The following VTI1A variants were observed in gnomAD, a reference collection of about 807,000 sequenced individuals.
The protein encoded by VTI1A is vesicle transport through interaction with t-SNAREs 1A.
VTI1A carries 22 observed loss-of-function variants against 34.9 expected under a neutral mutation model. That is an observed-to-expected ratio of 0.63 (90% CI 0.45 to 0.90). The LOEUF (loss-of-function observed/expected upper bound fraction) is 0.90, where lower values mean the gene tolerates loss of function less well. Among genes scored for constraint, VTI1A ranks in the 40% least tolerant of loss-of-function variants. The pLI is 0.00. For missense variants in VTI1A, 268 were observed against 275.6 expected (o/e 0.97, Z 0.20); for synonymous variants, 87 against 97.3 (o/e 0.89, Z 0.62).
intron 3 of VTI1A, among the ~76,000 whole-genome samples, chr10:112,518,609 ATATG>A (rs1472043634): frequency 1.0e-3 from 141 of 140,878 alleles, no homozygotes; most frequent in Non-Finnish European, 1.8e-3. Flanking sequence ...ATATATATAT[ATATG>A]TGTGTGTGTG....
chr10:112,552,116 C>A (rs1201919967), intron 5 of VTI1A, among the ~76,000 whole-genome samples: 6 of 152,090 alleles, frequency 3.9e-5, no homozygotes, highest in African/African-American at 1.4e-4. Flanking sequence ...AATGGTAACA[C>A]AGGCGATAAC....
chr10:112,832,770 G>T, the VTI1A span, among the ~76,000 whole-genome samples: 1 of 152,210 alleles, frequency 6.6e-6, no homozygotes, highest in East Asian at 1.9e-4. Context: ...CTCAGCAGTG[G>T]CCACGGGAGC....
chr10:112,588,962 C>T (rs972614247), intron 5 of VTI1A, among the ~76,000 whole-genome samples: 8 of 150,650 alleles, frequency 5.3e-5, no homozygotes, highest in Non-Finnish European at 1.0e-4. Context: ...TCAAAAGCAT[C>T]GGTGTCATTT....
At chr10:112,520,283 C>T (rs762243768) in intron 3 of VTI1A, among the ~76,000 whole-genome samples, 8 of 151,944 alleles carry the variant, frequency 5.3e-5, no homozygotes, top group Non-Finnish European at 1.0e-4. Flanking sequence ...TGTTGATTGA[C>T]AAGCTAACAT....
At chr10:112,820,059 G>A (rs9420132), downstream of VTI1A, among the ~76,000 whole-genome samples, 465 of 152,312 alleles carry the variant, frequency 3.1e-3, no homozygotes, top group African/African-American at 0.011. Flanking sequence ...CACGGCGTGG[G>A]AGGTACCTGC....
At chr10:112,707,505 T>C (rs1849242000) in intron 7 of VTI1A, among the ~76,000 whole-genome samples, 1 of 152,142 alleles carries the variant, frequency 6.6e-6, no homozygotes, top group African/African-American at 2.4e-5. Flanking sequence ...GGCTAATTTT[T>C]GTATTTTTAG....
intron 7 of VTI1A, among the ~76,000 whole-genome samples, chr10:112,756,122 A>T (rs924968114): frequency 6.6e-6 from 1 of 152,172 alleles, no homozygotes; most frequent in Admixed American, 6.5e-5. Context: ...CACCGCAAGA[A>T]TAATTATGCT....
At chr10:112,743,588 A>G (rs945118205) in intron 7 of VTI1A, among the ~76,000 whole-genome samples, 1 of 152,230 alleles carries the variant, frequency 6.6e-6, no homozygotes, top group Non-Finnish European at 1.5e-5. Flanking sequence ...AGACATATTC[A>G]TGAGCCAGGG....
intron 7 of VTI1A, among the ~76,000 whole-genome samples, chr10:112,757,554 G>A (rs1455710939): frequency 1.0e-5 from 1 of 99,972 alleles, no homozygotes; most frequent in African/African-American, 2.9e-5. Context: ...CAGACTAATT[G>A]TTTGTATTTT....
intron 5 of VTI1A, among the ~76,000 whole-genome samples, chr10:112,582,487 G>C (rs1843987957): frequency 6.6e-6 from 1 of 152,072 alleles, no homozygotes. Flanking sequence ...AACCATCTCT[G>C]GTCATCTTGC....
At chr10:112,771,018 A>G (rs1401167159) in intron 7 of VTI1A, among the ~76,000 whole-genome samples, 1 of 152,110 alleles carries the variant, frequency 6.6e-6, no homozygotes, top group African/African-American at 2.4e-5. Context: ...GTCGTTTTGA[A>G]TGGAGAAGAC....
Position 112,809,867 on chromosome 10 carries a change from G to T in VTI1A, c.561-5423G>T, listed in dbSNP as rs375127979. 2.1e-4 allele frequency among the ~76,000 whole-genome samples: 32 copies of T among 152,260 alleles called. No individual in the cohort carries two copies. The East Asian group carries it at 5.6e-3, about 27-fold the overall frequency. ...ATGTACTGGAAAGAGAGATGTGTAGGGAGATAGGAGAATACGAGAGGGACA... is the reference window on the plus strand; with the variant it reads ...ATGTACTGGAAAGAGAGATGTGTAGTGAGATAGGAGAATACGAGAGGGACA... On this transcript the variant is annotated intron_variant, in intron 7 of 7. Transcript: ENST00000393077.
At chr10:112,726,672 TAGA>T (rs1219986808) in intron 7 of VTI1A, among the ~76,000 whole-genome samples, 6 of 152,250 alleles carry the variant, frequency 3.9e-5, no homozygotes, top group African/African-American at 1.4e-4. Context: ...ATGAAAACTA[TAGA>T]ACCTCTCTCT....
chr10:112,652,421 G>A (rs552603308), intron 5 of VTI1A, among the ~76,000 whole-genome samples: 1 of 152,246 alleles, frequency 6.6e-6, no homozygotes, highest in East Asian at 1.9e-4. Context: ...GGACTCTGAG[G>A]GCAGAACAAA....
At chr10:112,535,307 A>G (rs1850580164) in intron 4 of VTI1A, among the ~76,000 whole-genome samples, 1 of 152,206 alleles carries the variant, frequency 6.6e-6, no homozygotes, top group Non-Finnish European at 1.5e-5. Context: ...TTTATAGACT[A>G]GATTACAGTG....
chr10:112,554,919 A>G (rs1182022852), intron 5 of VTI1A, among the ~76,000 whole-genome samples: 1 of 152,136 alleles, frequency 6.6e-6, no homozygotes, highest in Non-Finnish European at 1.5e-5. Context: ...TTCGATGTAT[A>G]TGGGGACATG....
chr10:112,613,192 A>C (rs1488624454), intron 5 of VTI1A, among the ~76,000 whole-genome samples: 2 of 152,210 alleles, frequency 1.3e-5, no homozygotes, highest in Non-Finnish European at 2.9e-5. Flanking sequence ...ATTTTATACC[A>C]TTCAATATAC....
In VTI1A at chr10:112,572,736, G is replaced by A. The variant is rs554130756; in HGVS notation, c.427+34406G>A. ...GCCTGTAGTCCCAGCTACTCGGGAG[G>A]CTGAAGGCAGGAGAACGGCGTGAAC... is the stretch of plus-strand genomic sequence containing the variant. On this transcript the variant is annotated intron_variant, in intron 5 of 7. Coordinates refer to ENST00000393077, the MANE Select transcript of VTI1A (RefSeq NM_145206.4). 5.3e-5 allele frequency among the ~76,000 whole-genome samples: 8 copies of A among 151,956 alleles called. No homozygotes were observed. The South Asian group carries it at 1.7e-3, about 32-fold the overall frequency.
chr10:112,617,014 T>C (rs956486310), intron 5 of VTI1A, among the ~76,000 whole-genome samples: 1 of 152,152 alleles, frequency 6.6e-6, no homozygotes, highest in African/African-American at 2.4e-5. Flanking sequence ...ATTTTCCAAG[T>C]CTGCCAAAAG....
Sources: gnomAD v4.1 joint callset for allele counts (sites outside exome capture counted in the v4.1 genomes callset) on GRCh38, gnomAD v4.1.1 for gene constraint, MANE v1.5 for transcripts, NCBI Gene and HGNC (gene_info 2026-07-23, HGNC 2026-07-21) for gene names.